The following ASIC2 variants were observed in gnomAD, a reference collection of about 807,000 sequenced individuals.
The protein encoded by ASIC2 is acid sensing ion channel subunit 2.
Under a neutral mutation model 57.3 loss-of-function variants are expected in ASIC2, and 25 were observed. The observed-to-expected ratio is 0.44, with a 90% CI of 0.32 to 0.61. ASIC2 has a LOEUF of 0.61. ASIC2 is among the 20% of genes least tolerant of loss of function. The pLI is 0.06. For missense variants in ASIC2, 641 were observed against 738.1 expected, an observed-to-expected ratio of 0.87 and a Z score of 1.52; for synonymous variants, 319 against 307.5, an observed-to-expected ratio of 1.04 and a Z score of -0.39.
intron 1 of ASIC2, among the ~76,000 whole-genome samples, chr17:33,557,958 G>T (rs1368256412): frequency 6.6e-6 from 1 of 151,974 alleles, no homozygotes; most frequent in African/African-American, 2.4e-5. Flanking sequence ...TCTCTGCAAA[G>T]ACTAATCTGT....
At chr17:33,110,640 G>A (rs1030658123) in intron 2 of ASIC2, among the ~76,000 whole-genome samples, 2 of 152,206 alleles carry the variant, frequency 1.3e-5, no homozygotes, top group Non-Finnish European at 2.9e-5. Flanking sequence ...TCGTGAGAGA[G>A]GGGTGGTGGG....
chr17:33,536,010 A>G (rs1915216541), intron 1 of ASIC2, among the ~76,000 whole-genome samples: 1 of 152,206 alleles, frequency 6.6e-6, no homozygotes, highest in Admixed American at 6.5e-5. Flanking sequence ...CATTCTCTTC[A>G]CTGCTGCACC....
chr17:33,282,399 T>C (rs1904987571), intron 1 of ASIC2, among the ~76,000 whole-genome samples: 1 of 152,106 alleles, frequency 6.6e-6, no homozygotes, highest in Non-Finnish European at 1.5e-5. Flanking sequence ...CTCTTCCATC[T>C]TCAAAGCCAT....
intron 1 of ASIC2, among the ~76,000 whole-genome samples, chr17:33,949,563 G>C (rs974164934): frequency 1.3e-5 from 2 of 152,146 alleles, no homozygotes; most frequent in South Asian, 4.2e-4. Flanking sequence ...TTATTCCAAG[G>C]AATCAAAAGA....
At chr17:33,269,679 C>T (rs1567805266) in intron 1 of ASIC2, among the ~76,000 whole-genome samples, 3 of 64,366 alleles carry the variant, frequency 4.7e-5, no homozygotes, top group African/African-American at 1.6e-4. Context: ...TCCTTCCCTC[C>T]CTCCCTCCTG....
intron 1 of ASIC2, among the ~76,000 whole-genome samples, chr17:33,337,952 GA>G (rs1188149201): frequency 6.6e-6 from 1 of 151,030 alleles, no homozygotes; most frequent in African/African-American, 2.4e-5. Context: ...AGGTGTTCTG[GA>G]AGGGCAAAGA....
chr17:34,075,361 T>C (rs1909596239), intron 1 of ASIC2, among the ~76,000 whole-genome samples: 1 of 152,226 alleles, frequency 6.6e-6, no homozygotes, highest in East Asian at 1.9e-4. Context: ...ATTAGCTGTG[T>C]GGCCATGGAT....
At chr17:33,439,112 G>A (rs187905370) in intron 1 of ASIC2, among the ~76,000 whole-genome samples, 56 of 152,282 alleles carry the variant, frequency 3.7e-4, no homozygotes, top group Non-Finnish European at 6.9e-4. Flanking sequence ...CCAAAGTGCT[G>A]GGATTCCAGG....
chr17:34,008,401 A>G (rs1375954526), intron 1 of ASIC2, among the ~76,000 whole-genome samples: 1 of 152,156 alleles, frequency 6.6e-6, no homozygotes, highest in African/African-American at 2.4e-5. Context: ...GATGACACCC[A>G]GGGGAGGGAC....
At chr17:33,751,956 G>T (rs1910449078) in intron 1 of ASIC2, among the ~76,000 whole-genome samples, 1 of 141,774 alleles carries the variant, frequency 7.1e-6, no homozygotes, top group Non-Finnish European at 1.5e-5. Flanking sequence ...GAGGGGTGGG[G>T]TGGGGGTGGG....
At chr17:33,478,733 G>A (rs1913309381) in intron 1 of ASIC2, among the ~76,000 whole-genome samples, 1 of 152,206 alleles carries the variant, frequency 6.6e-6, no homozygotes, top group South Asian at 2.1e-4. Flanking sequence ...TGGGGAAACT[G>A]AGGCCCAGCT....
At chr17:33,124,851 C>A (rs1328747567) in intron 1 of ASIC2, among the ~76,000 whole-genome samples, 2 of 152,204 alleles carry the variant, frequency 1.3e-5, no homozygotes, top group South Asian at 2.1e-4. Flanking sequence ...TGTTTTCCTG[C>A]AACTAGACAG....
At chr17:33,896,256 G>A (rs1391399961) in intron 1 of ASIC2, among the ~76,000 whole-genome samples, 1 of 152,232 alleles carries the variant, frequency 6.6e-6, no homozygotes, top group Non-Finnish European at 1.5e-5. Context: ...TTCTTGGTTA[G>A]AATGTTCCTT....
intron 1 of ASIC2, among the ~76,000 whole-genome samples, chr17:34,096,637 G>A (rs554399046): frequency 1.3e-5 from 2 of 152,042 alleles, no homozygotes; most frequent in South Asian, 2.1e-4. Flanking sequence ...GGCGGATCAC[G>A]AGGTCAGGAG....
chr17:34,010,941 C>T (rs1300020139), intron 1 of ASIC2, among the ~76,000 whole-genome samples: 1 of 97,618 alleles, frequency 1.0e-5, no homozygotes, highest in African/African-American at 3.8e-5. Flanking sequence ...TACACAGACA[C>T]ACACAGATTC....
At chr17:33,142,726 C>T (rs1904370057) in intron 1 of ASIC2, among the ~76,000 whole-genome samples, 1 of 152,194 alleles carries the variant, frequency 6.6e-6, no homozygotes, top group Non-Finnish European at 1.5e-5. Flanking sequence ...AACTGACTGC[C>T]TTCTCCTTTG....
chr17:34,089,086 C>T lies in ASIC2; in HGVS notation c.555+66892G>A, dbSNP rs550874728. On this transcript the variant is annotated intron_variant, in intron 1 of 9. Coordinates refer to the ASIC2 transcript ENST00000359872. ...CTGGCACTCCCTAGTGAGATGAACC[C>T]GGTACCTCAGATGGAAATGCAGAAA... Among the ~76,000 whole-genome samples the T allele has an allele frequency of 5.3e-5, 8 of 152,308 alleles. No individual in the cohort carries two copies. In the South Asian group the frequency reaches 6.2e-4, roughly 12 times the overall value.
intron 1 of ASIC2, among the ~76,000 whole-genome samples, chr17:33,922,984 G>A (rs915107364): frequency 1.3e-5 from 2 of 152,224 alleles, no homozygotes; most frequent in Non-Finnish European, 2.9e-5. Flanking sequence ...CACCAGTGCA[G>A]ATGCTGGAGC....
chr17:33,837,336 A>G (rs1913303592), intron 1 of ASIC2, among the ~76,000 whole-genome samples: 1 of 152,200 alleles, frequency 6.6e-6, no homozygotes, highest in Non-Finnish European at 1.5e-5. Flanking sequence ...TTTGCAAATA[A>G]TGAGAAATTT....
Sources: allele counts gnomAD v4.1 joint callset (sites outside exome capture counted in the v4.1 genomes callset), GRCh38; gene constraint gnomAD v4.1.1; transcripts MANE v1.5; gene names NCBI Gene and HGNC (gene_info 2026-07-23, HGNC 2026-07-21).